The following MEF2C variants were observed in gnomAD, a reference collection of about 807,000 sequenced individuals.
MEF2C encodes myocyte enhancer factor 2C.
MEF2C carries 6 observed loss-of-function variants against 50.5 expected under a neutral mutation model. That is an observed-to-expected ratio of 0.12 (90% CI 0.07 to 0.23). The LOEUF (loss-of-function observed/expected upper bound fraction) is 0.23. MEF2C is among the 10% of genes least tolerant of loss of function. The pLI is 1.00. For missense variants in MEF2C, 276 were observed against 605.0 expected (o/e 0.46, Z 5.70); for synonymous variants, 183 against 228.0 (o/e 0.80, Z 1.78).
chr5:88,740,935 T>C, intron 6 of MEF2C: 1 of 985,426 alleles, frequency 1.0e-6, no homozygotes, highest in Non-Finnish European at 1.2e-6. Context: ...AACAAAAATA[T>C]TGAGACAGTA....
intron 3 of MEF2C, among the ~76,000 whole-genome samples, chr5:88,796,893 T>G (rs183049287): frequency 2.4e-4 from 36 of 152,380 alleles, no homozygotes; most frequent in Middle Eastern, 3.4e-3. Flanking sequence ...CCAGTAGTCA[T>G]TCAGGAGCAG....
rs763694057 is a variant in MEF2C at position 88,749,163 on chromosome 5, A to G, written c.590-46T>C. 2.1e-5 allele frequency: 32 copies of G among 1,507,060 alleles called. No homozygotes were observed. The East Asian group carries it at 2.2e-4, about 10-fold the overall frequency. The allele number at this position is 1,507,060 out of a possible 1,614,324, so 93.4% of individuals were successfully genotyped here. ...TCAAAACGAGAAAGGCTAAAGGCCC[A>G]CAGAACAAAACACTTTACCTTCAGC... is the stretch of plus-strand genomic sequence containing the variant. On this transcript the variant is annotated intron_variant, in intron 5 of 10. Coordinates refer to ENST00000504921, the MANE Select transcript of MEF2C (RefSeq NM_002397.5).
chr5:88,718,764 T>C lies in MEF2C; in HGVS notation c.*3840A>G, dbSNP rs570972381. 1.3e-5 allele frequency: 2 copies of C among 152,252 alleles called. No individual in the cohort carries two copies. The highest frequency in any genetic ancestry group is 4.8e-5 in the African/African-American group (2 of 41,542). The allele number at this position is 152,252 out of a possible 1,614,324, so 9.4% of individuals were successfully genotyped here. A position where few individuals can be genotyped will look rare whatever the true frequency, so the allele number is the denominator to read the frequency against. ...TACCAGATTATGAAAATAACCAAAA[T>C]GGAAAAATTTGATGTAGAAGATATG... On this transcript the variant is annotated 3_prime_UTR_variant, in exon 11 of 11. Coordinates refer to ENST00000504921, the MANE Select transcript of MEF2C (RefSeq NM_002397.5).
intron 10 of MEF2C, among the ~76,000 whole-genome samples, chr5:88,725,822 T>C (rs1018419422): frequency 6.6e-6 from 1 of 152,182 alleles, no homozygotes; most frequent in Non-Finnish European, 1.5e-5. Context: ...TCTCTCAGTA[T>C]GTACTGAACA....
chr5:88,746,441 C>CT (rs5869439), intron 6 of MEF2C: 84,061 of 680,796 alleles, frequency 0.12, 1,034 homozygotes, highest in Middle Eastern at 0.16. Flanking sequence ...CTCCCTCTCA[C>CT]TTTTTTTTTT....
chr5:88,876,052 T>C (rs955731823), intron 1 of MEF2C, among the ~76,000 whole-genome samples: 3 of 148,530 alleles, frequency 2.0e-5, no homozygotes, highest in African/African-American at 5.0e-5. Context: ...GCTGAAACTG[T>C]AGTAACTGGA....
intron 3 of MEF2C, among the ~76,000 whole-genome samples, chr5:88,773,922 C>T (rs889900684): frequency 2.6e-5 from 4 of 152,206 alleles, no homozygotes; most frequent in African/African-American, 7.2e-5. Flanking sequence ...GGTTCATATA[C>T]TGGCAAACCT....
At chr5:88,798,815 A>T (rs1193230727) in intron 3 of MEF2C, among the ~76,000 whole-genome samples, 2 of 151,898 alleles carry the variant, frequency 1.3e-5, no homozygotes, top group African/African-American at 2.4e-5. Flanking sequence ...TGACCTTTGG[A>T]TGGGGTTTTG....
intron 1 of MEF2C, among the ~76,000 whole-genome samples, chr5:88,865,698 A>G (rs1227180866): frequency 2.0e-5 from 3 of 152,214 alleles, no homozygotes; most frequent in African/African-American, 7.2e-5. Flanking sequence ...GGAAGTAGAT[A>G]TAACTGGCCT....
At chr5:88,844,139 T>C (rs1396642653) in intron 1 of MEF2C, among the ~76,000 whole-genome samples, 5 of 152,116 alleles carry the variant, frequency 3.3e-5, no homozygotes, top group Admixed American at 1.3e-4. Flanking sequence ...CTAGTAAAAG[T>C]GGTAAAATTT....
intron 2 of MEF2C, among the ~76,000 whole-genome samples, chr5:88,817,354 C>A (rs1052586882): frequency 1.3e-5 from 2 of 151,880 alleles, no homozygotes; most frequent in African/African-American, 4.8e-5. Context: ...GTCGAATAGA[C>A]CAGATTTAGT....
intron 1 of MEF2C, among the ~76,000 whole-genome samples, chr5:88,849,763 A>G (rs1820614705): frequency 6.6e-6 from 1 of 152,162 alleles, no homozygotes; most frequent in Non-Finnish European, 1.5e-5. Flanking sequence ...ATTTCACTCC[A>G]ATACTTTTTT....
At chr5:88,762,377 A>C (rs138850866) in intron 3 of MEF2C, among the ~76,000 whole-genome samples, 201 of 152,260 alleles carry the variant, frequency 1.3e-3, no homozygotes, top group African/African-American at 4.7e-3. Flanking sequence ...TTCTGGGTTC[A>C]AGTGATTCTC....
At chr5:88,813,253 T>A (rs923192216) in intron 2 of MEF2C, among the ~76,000 whole-genome samples, 4 of 152,034 alleles carry the variant, frequency 2.6e-5, no homozygotes, top group African/African-American at 9.7e-5. Context: ...AGAATTTTGG[T>A]TGGTAGTAAA....
chr5:88,903,598 GGA>G (rs1835884720), intron 1 of MEF2C, among the ~76,000 whole-genome samples: 1 of 151,924 alleles, frequency 6.6e-6, no homozygotes, highest in Non-Finnish European at 1.5e-5. Flanking sequence ...TAGATAAAAA[GGA>G]GACTAAAATG....
intron 1 of MEF2C, among the ~76,000 whole-genome samples, chr5:88,902,472 A>G (rs1364728845): frequency 2.6e-5 from 4 of 151,332 alleles, no homozygotes; most frequent in Admixed American, 1.3e-4. Flanking sequence ...AATATTAGCT[A>G]TTTTGTTTGG....
chr5:88,739,011 G>C (rs910728290), intron 6 of MEF2C: 3 of 980,142 alleles, frequency 3.1e-6, no homozygotes, highest in Admixed American at 6.2e-5. Flanking sequence ...TAATATTTTA[G>C]TCAATAATCT....
chr5:88,888,703 C>G (rs185945378), intron 1 of MEF2C, among the ~76,000 whole-genome samples: 4 of 148,454 alleles, frequency 2.7e-5, no homozygotes, highest in Admixed American at 2.1e-4. Flanking sequence ...GAAATAACAT[C>G]TGAAAGGTAT....
At chr5:88,748,064 T>C (rs1770770413) in intron 6 of MEF2C, 2 of 984,914 alleles carry the variant, frequency 2.0e-6, no homozygotes, top group South Asian at 4.7e-5. Flanking sequence ...TCTAATACTT[T>C]TTCTTCATTA....
Sources: allele counts gnomAD v4.1 joint callset (sites outside exome capture counted in the v4.1 genomes callset), GRCh38; gene constraint gnomAD v4.1.1; transcripts MANE v1.5; gene names NCBI Gene and HGNC (gene_info 2026-07-23, HGNC 2026-07-21).